Variants in NAV1 observed in about 807,000 individuals in gnomAD.
NAV1 encodes the protein pore membrane and/or filament interacting like protein 3.
A neutral mutation model predicts 175.2 loss-of-function variants in NAV1; 18 were observed. That is an observed-to-expected ratio of 0.10 (90% CI 0.07 to 0.15). The LOEUF is 0.15. Ranked by LOEUF, NAV1 falls within the 10% of genes least tolerant of loss-of-function variation. NAV1 has a pLI of 1.00. For missense variants in NAV1, 1,731 were observed against 2,436.6 expected, an observed-to-expected ratio of 0.71 and a Z score of 6.10; for synonymous variants, 897 against 978.7, an observed-to-expected ratio of 0.92 and a Z score of 1.56.
At chr1:201,556,396 G>T (rs582689) in intron 1 of NAV1, among the ~76,000 whole-genome samples, 74 of 151,256 alleles carry the variant, frequency 4.9e-4, no homozygotes, top group African/African-American at 1.7e-3. Flanking sequence ...CCAGCCTGGG[G>T]GACAGAGGAA....
chr1:201,656,656 T>C (rs1669417554), intron 1 of NAV1, among the ~76,000 whole-genome samples: 1 of 152,184 alleles, frequency 6.6e-6, no homozygotes, highest in Admixed American at 6.5e-5. Context: ...GAAGACTAAG[T>C]GTGCAGTGAA....
chr1:201,761,345 C>T (rs567683385), intron 3 of NAV1, among the ~76,000 whole-genome samples: 46 of 152,334 alleles, frequency 3.0e-4, no homozygotes, highest in Middle Eastern at 3.4e-3. Flanking sequence ...AAGCTTCATT[C>T]CGCGAAGAGA....
intron 2 of NAV1, among the ~76,000 whole-genome samples, chr1:201,642,541 C>CTT (rs751245399): frequency 1.9e-5 from 2 of 105,170 alleles, no homozygotes; most frequent in African/African-American, 9.0e-5. Flanking sequence ...TTCTTTCTTT[C>CTT]TTTCTTTCTT....
At chr1:201,635,022 T>TTTTTG (rs1481886463) in intron 2 of NAV1, among the ~76,000 whole-genome samples, 4 of 152,010 alleles carry the variant, frequency 2.6e-5, no homozygotes, top group African/African-American at 7.2e-5. Flanking sequence ...CAATTGACAA[T>TTTTTG]TTTTGTTTTG....
chr1:201,615,243 ATTTCTTTC>A (rs754631805), intron 2 of NAV1, among the ~76,000 whole-genome samples: 26 of 148,366 alleles, frequency 1.8e-4, no homozygotes, highest in South Asian at 6.3e-4. Context: ...AATTTCTGCC[ATTTCTTTC>A]TTTCTTTCTT....
Position 201,659,381 on chromosome 1 carries a change from C to T in NAV1, c.757+9956C>T, listed in dbSNP as rs932806543. Among the ~76,000 whole-genome samples the T allele has an allele frequency of 3.3e-5, 5 of 152,210 alleles. No individual in the cohort carries two copies. In the East Asian group the frequency reaches 9.7e-4, roughly 29 times the overall value. ...CTGTAATCCCAGCACTTTGGGAGGC[C>T]GAGGTCGTAGAATCGCTTGAGCCCA... On this transcript the variant is annotated intron_variant, in intron 1 of 29. Coordinates refer to ENST00000367296, the Ensembl canonical transcript of NAV1.
At chr1:201,765,378 ATTCT>A (rs978979836) in intron 3 of NAV1, among the ~76,000 whole-genome samples, 1 of 111,188 alleles carries the variant, frequency 9.0e-6, no homozygotes, top group Non-Finnish European at 1.8e-5. Flanking sequence ...TTCAGGAAAT[ATTCT>A]TTTTTTTTTT....
intron 22 of NAV1, 53 bp downstream of exon 26, chr1:201,809,590 A>G (rs770512392): frequency 2.3e-5 from 36 of 1,536,054 alleles, no homozygotes; most frequent in Non-Finnish European, 3.0e-5. Context: ...TGGAATATAT[A>G]TACTTTTTTA....
rs557692244 is a variant in NAV1, at chr1:201,602,968, G to C, written c.-33+14319G>C. On this transcript the variant is annotated intron_variant, in intron 2 of 33. Transcript: ENST00000685211. ...AGCTTCAAAACCACAGAGGGATTTA[G>C]AGTACTGGGGGCGAGAGCTCGGGAA... 3.9e-5 allele frequency among the ~76,000 whole-genome samples: 6 copies of C among 152,344 alleles called. 1 individual carries two copies. The highest frequency in any genetic ancestry group is 1.4e-4 in the African/African-American group (6 of 41,584).
Position 201,813,338 on chromosome 1 carries a change from G to T in NAV1, c.5340+80G>T. The T allele has an allele frequency of 1.1e-6, 1 of 926,242 alleles. No individual in the cohort carries two copies. The highest frequency in any genetic ancestry group is 1.7e-6 in the Non-Finnish European group (1 of 585,460). The allele number at this position is 926,242 out of a possible 1,614,324, so 57.4% of individuals were successfully genotyped here. ...AGTAGGAATGTTTCTTTAATGTTAG[G>T]CATGGGACTACTAGGATTAGTTAGG... On this transcript the variant is annotated intron_variant, in intron 28 of 29. Transcript: ENST00000367296. This position sits in a 1 kb window ranked among gnomAD's most constrained non-coding sequence, Gnocchi z 4.2.
intron 1 of NAV1, among the ~76,000 whole-genome samples, chr1:201,682,213 G>T (rs1192099978): frequency 6.6e-6 from 1 of 151,728 alleles, no homozygotes. Context: ...TTGAACCCGG[G>T]AGGCGGAGGT....
intron 1 of NAV1, among the ~76,000 whole-genome samples, chr1:201,660,532 A>G (rs572818715): frequency 1.3e-5 from 2 of 152,298 alleles, no homozygotes; most frequent in East Asian, 3.9e-4. Context: ...GCTCCTTGGA[A>G]GGGAACACTT....
chr1:201,648,627 C>T lies in NAV1; in HGVS notation c.-42C>T, dbSNP rs1205516210. On this transcript the variant is annotated 5_prime_UTR_variant, in exon 1 of 30. Coordinates refer to ENST00000367296, the Ensembl canonical transcript of NAV1. ...CCGCCCCCTGCCCCCTCCCCCCGTG[C>T]CTGCAGACGCGCGGATCGTCCATGC... 7.8e-7 allele frequency: 1 copy of T among 1,290,268 alleles called. No homozygotes were observed. Among genetic ancestry groups the T allele is most frequent in the African/African-American group, 1.5e-5 (1 of 65,002 alleles). 79.9% of individuals were successfully genotyped at this position (1,290,268 alleles called of 1,614,324 possible). A position where few individuals can be genotyped will look rare whatever the true frequency, so the allele number is the denominator to read the frequency against.
At chr1:201,547,451 A>G (rs1665705535) in intron 1 of NAV1, among the ~76,000 whole-genome samples, 1 of 152,214 alleles carries the variant, frequency 6.6e-6, no homozygotes, top group Admixed American at 6.5e-5. Flanking sequence ...CAGCCTGCTC[A>G]GTTAAGGCCT....
At chr1:201,631,747 T>C (rs143224185) in intron 2 of NAV1, among the ~76,000 whole-genome samples, 1 of 152,368 alleles carries the variant, frequency 6.6e-6, no homozygotes, top group Non-Finnish European at 1.5e-5. Context: ...CTCCATCAAA[T>C]ATTTATATAA....
chr1:201,731,239 G>A (rs1296254138), intron 3 of NAV1, among the ~76,000 whole-genome samples: 1 of 151,994 alleles, frequency 6.6e-6, no homozygotes, highest in African/African-American at 2.4e-5. Context: ...ATGAGAGACA[G>A]ACAGATACTG....
At chr1:201,630,767 C>T (rs1326226321) in intron 2 of NAV1, among the ~76,000 whole-genome samples, 1 of 152,168 alleles carries the variant, frequency 6.6e-6, no homozygotes, top group African/African-American at 2.4e-5. Context: ...TTCTCTGGCA[C>T]CGAAAAGCCA....
rs116338160 is a variant in NAV1, at chr1:201,808,623, G to A, written c.4038+13G>A. ...GCACAACATGCAGGTCAGTGTCTGG[G>A]CGGACAGCTGCAGGAAAGGGAAGAC... On this transcript the variant is annotated intron_variant, in intron 19 of 29. Transcript: ENST00000367296. The surrounding 1 kb of genome is among the most constrained non-coding windows in gnomAD (Gnocchi z 5.5). 3,530 of 1,614,226 alleles carry A rather than the reference G, an allele frequency of 2.2e-3. 59 individuals are homozygous for A. The African/African-American group carries it at 0.041, about 19-fold the overall frequency.
At position 201,816,674 on chromosome 1, in the gene NAV1, C is replaced by CTTTT. The variant is rs35468878; in HGVS notation, c.5341-396_5341-393dup. Among the ~76,000 whole-genome samples the CTTTT allele has an allele frequency of 2.1e-3, 219 of 102,770 alleles. 4 individuals carry two copies. The Middle Eastern group carries it at 0.022, about 11-fold the overall frequency. 67.4% of individuals were successfully genotyped at this position (102,770 alleles called of 152,430 possible). A position where few individuals can be genotyped will look rare whatever the true frequency, so the allele number is the denominator to read the frequency against. On this transcript the variant is annotated intron_variant, in intron 28 of 29. Coordinates refer to ENST00000367296, the Ensembl canonical transcript of NAV1. ...GAGGATTTACATTTGAGGAAGTGCA[C>CTTTT]TTTTTTTTTTTTTTTTTTTTTGAGG... is the stretch of plus-strand genomic sequence containing the variant.
Sources: gnomAD v4.1 joint callset for allele counts (sites outside exome capture counted in the v4.1 genomes callset) on GRCh38, gnomAD v4.1.1 for gene constraint, Gnocchi (gnomAD v3.1) non-coding constraint, MANE v1.5 for transcripts, NCBI Gene and HGNC (gene_info 2026-07-23, HGNC 2026-07-21) for gene names.